The following INO80 variants were observed in gnomAD, a reference collection of about 807,000 sequenced individuals.
The protein encoded by INO80 is INO80 complex ATPase subunit.
INO80 carries 20 observed loss-of-function variants against 203.4 expected under a neutral mutation model. The observed-to-expected ratio is 0.10, with a 90% CI of 0.07 to 0.14. INO80 has a LOEUF of 0.14. INO80 is among the 10% of genes least tolerant of loss of function. INO80 has a pLI of 1.00. For missense variants in INO80, 1,419 were observed against 1,914.4 expected (o/e 0.74, Z 4.83); for synonymous variants, 726 against 685.2 (o/e 1.06, Z -0.93).
chr15:41,039,629 A>C (rs2044638000), intron 24 of INO80, among the ~76,000 whole-genome samples: 1 of 152,248 alleles, frequency 6.6e-6, no homozygotes. Flanking sequence ...ATGAAAAAAG[A>C]AGCACCAGAC....
intron 20 of INO80, 82 bp downstream of exon 20, chr15:41,049,853 T>G (rs1201101965): frequency 6.0e-6 from 8 of 1,328,082 alleles, no homozygotes. Flanking sequence ...GCCATTGCAC[T>G]CCAGCCTGGG....
At position 40,979,891 on chromosome 15, in the gene INO80, C is replaced by G. The variant is rs539904372; in HGVS notation, c.*332G>C. ...ACGTGTCAGAGCCGAAGAGTGGAATCGGGATGGAAACAGTATGCCTGAGCA... is the reference window on the plus strand; with the variant it reads ...ACGTGTCAGAGCCGAAGAGTGGAATGGGGATGGAAACAGTATGCCTGAGCA... On this transcript the variant is annotated 3_prime_UTR_variant, in exon 36 of 36. Transcript: ENST00000648947. The G allele has an allele frequency of 3.1e-3, 1,036 of 333,294 alleles. 9 individuals carry two copies. Among genetic ancestry groups the G allele is most frequent in the South Asian group, 0.011 (323 of 29,030 alleles). 20.6% of individuals were successfully genotyped at this position (333,294 alleles called of 1,614,324 possible). A position where few individuals can be genotyped will look rare whatever the true frequency, so the allele number is the denominator to read the frequency against.
Position 40,984,247 on chromosome 15 carries a change from C to G in INO80, c.4027G>C (p.Asp1343His), listed in dbSNP as rs1331045014. 1 of 1,613,828 alleles carries G rather than the reference C, an allele frequency of 6.2e-7. No homozygotes were observed. The highest frequency in any genetic ancestry group is 1.3e-5 in the African/African-American group (1 of 74,918). ...ADNSNLSADGDDSFISVDSAM... is the reference protein window; with the variant it reads ...ADNSNLSADGHDSFISVDSAM... ...GAGTCCACGCTAATGAAGGAGTCATCTCCGTCAGCAGAGAGGTTGGAGTTA... is the reference window on the plus strand; with the variant it reads ...GAGTCCACGCTAATGAAGGAGTCATGTCCGTCAGCAGAGAGGTTGGAGTTA... Residue 1343 changes from aspartate (D) to histidine (H), a missense_variant, in exon 33 of 36, where the codon GAT (aspartate) becomes CAT (histidine). By Grantham distance (81) the Asp-to-His change is moderately conservative. This residue lies in a region of INO80 where 214 missense variants were observed against 248.9 expected (regional missense o/e 0.86). Transcript: ENST00000648947.
Position 41,075,080 on chromosome 15 carries a change from T to C in INO80, c.1132-515A>G, listed in dbSNP as rs182684991. On this transcript the variant is annotated intron_variant, in intron 9 of 35. Coordinates refer to ENST00000648947, the MANE Select transcript of INO80 (RefSeq NM_017553.3). ...CATAATCTGCTAGTAACAAGTGTTTTGCTCTCCTTTATACTGTGAATCTTT... is the reference window on the plus strand; with the variant it reads ...CATAATCTGCTAGTAACAAGTGTTTCGCTCTCCTTTATACTGTGAATCTTT... Among the ~76,000 whole-genome samples the C allele has an allele frequency of 2.7e-3, 409 of 152,294 alleles. 3 individuals carry two copies. Among genetic ancestry groups the C allele is most frequent in the South Asian group, 0.013 (62 of 4,822 alleles).
chr15:41,102,827 A>G (rs1041045266), intron 1 of INO80, among the ~76,000 whole-genome samples: 1 of 152,146 alleles, frequency 6.6e-6, no homozygotes, highest in African/African-American at 2.4e-5. Context: ...TCTATTTAAT[A>G]ATCTTTGAAA....
At chr15:41,110,470 C>T (rs1186865542) in intron 1 of INO80, among the ~76,000 whole-genome samples, 2 of 151,910 alleles carry the variant, frequency 1.3e-5, no homozygotes, top group African/African-American at 4.8e-5. Flanking sequence ...GACAGGGTCT[C>T]GCTTGTCACC....
At chr15:41,057,895 A>G (rs1300892417) in intron 16 of INO80, among the ~76,000 whole-genome samples, 1 of 152,002 alleles carries the variant, frequency 6.6e-6, no homozygotes, top group Non-Finnish European at 1.5e-5. Flanking sequence ...GACCTCTAAT[A>G]AATTTCTAAC....
chr15:40,986,316 C>CTTTTTTTTTTTT (rs551165963), intron 31 of INO80, among the ~76,000 whole-genome samples: 2 of 90,676 alleles, frequency 2.2e-5, no homozygotes, highest in Non-Finnish European at 4.5e-5. Context: ...CTCCACAATG[C>CTTTTTTTTTTTT]TTTTTTTTTT....
At chr15:41,092,214 T>G (rs1379576632) in intron 4 of INO80, 32 bp from the exon 5 acceptor site, 3 of 1,546,154 alleles carry the variant, frequency 1.9e-6, no homozygotes, top group African/African-American at 1.4e-5. Flanking sequence ...ATGTATCTTT[T>G]GCTGTGAAGC....
At chr15:41,094,533 A>G (rs2045692108) in intron 4 of INO80, among the ~76,000 whole-genome samples, 1 of 152,240 alleles carries the variant, frequency 6.6e-6, no homozygotes, top group Non-Finnish European at 1.5e-5. Context: ...ACCACTGGGC[A>G]GGAAACTTGC....
intron 21 of INO80, 119 bp downstream of exon 21, chr15:41,049,168 C>A: frequency 1.3e-6 from 1 of 783,466 alleles, no homozygotes; most frequent in Non-Finnish European, 1.9e-6. Context: ...AGTTGTCCAC[C>A]CTTTGCTTAA....
In INO80 at chr15:41,070,188, G is replaced by A. The variant is rs531531977; in HGVS notation, c.1686+279C>T. Among the ~76,000 whole-genome samples, 3 of 152,358 alleles carry A rather than the reference G, an allele frequency of 2.0e-5. No individual in the cohort carries two copies. In the South Asian group the frequency reaches 6.2e-4, roughly 32 times the overall value. Reference sequence around the variant, plus strand: ...GTAGAGCTGAAATGTTAGGCAAGGTGTTCTGATCTAACTATATGGCCCTTG... The same window carrying A: ...GTAGAGCTGAAATGTTAGGCAAGGTATTCTGATCTAACTATATGGCCCTTG... On this transcript the variant is annotated intron_variant, in intron 13 of 35. Coordinates refer to ENST00000648947, the MANE Select transcript of INO80 (RefSeq NM_017553.3).
intron 29 of INO80, among the ~76,000 whole-genome samples, chr15:40,989,664 T>C (rs2140417006): frequency 6.6e-6 from 1 of 152,312 alleles, no homozygotes; most frequent in South Asian, 2.1e-4. Flanking sequence ...TGTGGGCCAC[T>C]CCAGCTCTCT....
At position 41,073,416 on chromosome 15, in the gene INO80, C is replaced by A. The variant is rs747630709; in HGVS notation, c.1395+12G>T. 6 of 1,611,812 alleles carry A rather than the reference C, an allele frequency of 3.7e-6. No individual in the cohort carries two copies. The highest frequency in any genetic ancestry group is 1.7e-4 in the Middle Eastern group (1 of 6,058). On this transcript the variant is annotated intron_variant, in intron 11 of 35. Transcript: ENST00000648947. ...GGCCAATTACAGTAAACCTTTCTATCTGAAGACTCACCCGAGCTTGGTGAA... is the reference window on the plus strand; with the variant it reads ...GGCCAATTACAGTAAACCTTTCTATATGAAGACTCACCCGAGCTTGGTGAA...
At chr15:41,053,394 C>T (rs1008678799) in intron 19 of INO80, among the ~76,000 whole-genome samples, 40 of 152,130 alleles carry the variant, frequency 2.6e-4, no homozygotes, top group African/African-American at 9.4e-4. Flanking sequence ...CATGAGCCAC[C>T]GTGCCCGGCT....
At chr15:41,112,881 A>C (rs1027278052) in intron 1 of INO80, among the ~76,000 whole-genome samples, 3 of 151,620 alleles carry the variant, frequency 2.0e-5, no homozygotes, top group African/African-American at 7.3e-5. Context: ...CCACTCTAAA[A>C]TCCACTGCAT....
chr15:41,079,574 CA>C (rs57754557), intron 9 of INO80, 126 bp downstream of exon 9: 79,290 of 621,110 alleles, frequency 0.13, 2,185 homozygotes, highest in African/African-American at 0.4. Context: ...GCATCTCTAC[CA>C]AAAAAAAAAA....
At chr15:41,013,213 A>G (rs2044157673) in intron 27 of INO80, 1 of 152,220 alleles carries the variant, frequency 6.6e-6, no homozygotes, top group African/African-American at 2.4e-5. Context: ...CTCTTACTCT[A>G]TTGGAAGCAT....
At chr15:41,073,372 G>T (rs928209749) in intron 11 of INO80, 56 bp downstream of exon 11, 3 of 1,388,368 alleles carry the variant, frequency 2.2e-6, no homozygotes, top group Non-Finnish European at 3.1e-6. Context: ...CTAAGTAAAG[G>T]CTTGTGGGGT....
Sources: allele counts gnomAD v4.1 joint callset (sites outside exome capture counted in the v4.1 genomes callset), GRCh38; gene constraint gnomAD v4.1.1; regional missense constraint gnomAD v4.1.1; transcripts MANE v1.5; gene names NCBI Gene and HGNC (gene_info 2026-07-23, HGNC 2026-07-21).